PTPRM: variants seen among roughly 807,000 people sequenced by gnomAD.
PTPRM encodes protein tyrosine phosphatase receptor type M.
PTPRM carries 47 observed loss-of-function variants against 186.7 expected under a neutral mutation model. That is an observed-to-expected ratio of 0.25 (90% CI 0.20 to 0.32). PTPRM has a LOEUF of 0.32. PTPRM is among the 10% of genes least tolerant of loss of function. The pLI is 1.00. For missense variants in PTPRM, 1,494 were observed against 1,865.0 expected, an observed-to-expected ratio of 0.80 and a Z score of 3.66; for synonymous variants, 668 against 674.9, an observed-to-expected ratio of 0.99 and a Z score of 0.16.
At chr18:8,135,476 C>A (rs2145995041) in intron 13 of PTPRM, among the ~76,000 whole-genome samples, 1 of 152,104 alleles carries the variant, frequency 6.6e-6, no homozygotes, top group Admixed American at 6.5e-5. Context: ...GGTCCTACCT[C>A]AGACCTTTGA....
At chr18:7,625,692 G>A (rs544417825) in intron 1 of PTPRM, among the ~76,000 whole-genome samples, 91 of 136,864 alleles carry the variant, frequency 6.6e-4, no homozygotes, top group African/African-American at 2.1e-3. Flanking sequence ...CTGCCATGAT[G>A]CCCGGTTAAT....
chr18:7,886,971 A>G (rs1021988716), intron 2 of PTPRM, among the ~76,000 whole-genome samples: 4 of 152,258 alleles, frequency 2.6e-5, no homozygotes, highest in African/African-American at 9.6e-5. Context: ...TACATTTTCT[A>G]GTACCGTGTA....
At chr18:8,289,551 C>CATATATATACACATATATATACACACAT (rs2095010688) in intron 19 of PTPRM, among the ~76,000 whole-genome samples, 1 of 77,718 alleles carries the variant, frequency 1.3e-5, no homozygotes, top group Non-Finnish European at 2.3e-5. Context: ...TATATATATA[C>CATATATATACACATATATATACACACAT]ATATATATAC....
intron 1 of PTPRM, among the ~76,000 whole-genome samples, chr18:7,695,634 G>T (rs926173679): frequency 6.6e-6 from 1 of 152,132 alleles, no homozygotes; most frequent in Non-Finnish European, 1.5e-5. Flanking sequence ...TATTTACATG[G>T]TATTCTTGTT....
chr18:8,247,385 G>A (rs983748447), intron 15 of PTPRM, among the ~76,000 whole-genome samples: 1 of 152,176 alleles, frequency 6.6e-6, no homozygotes, highest in African/African-American at 2.4e-5. Flanking sequence ...AAGCATTGTG[G>A]AGTATTCTCT....
intron 24 of PTPRM, among the ~76,000 whole-genome samples, chr18:8,372,296 G>A (rs375992588): frequency 2.1e-5 from 3 of 142,904 alleles, no homozygotes; most frequent in Middle Eastern, 3.7e-3. Flanking sequence ...GGATGGTCTC[G>A]ATCTCCTGAC....
At chr18:8,139,258 C>G (rs1037670820) in intron 13 of PTPRM, among the ~76,000 whole-genome samples, 1 of 152,182 alleles carries the variant, frequency 6.6e-6, no homozygotes. Flanking sequence ...TGCCAGAAAT[C>G]TGGTTGTTAT....
At chr18:8,212,877 C>A (rs1024880441) in intron 14 of PTPRM, among the ~76,000 whole-genome samples, 2 of 152,174 alleles carry the variant, frequency 1.3e-5, no homozygotes, top group African/African-American at 4.8e-5. Context: ...TCCCCCTACC[C>A]ACCACCCGTC....
intron 23 of PTPRM, among the ~76,000 whole-genome samples, 178 bp from the exon 24 acceptor site, chr18:8,370,712 G>T (rs572739350): frequency 9.9e-5 from 15 of 152,180 alleles, no homozygotes; most frequent in Admixed American, 2.0e-4. Context: ...CTCAAATATT[G>T]TTTTCTTCTG....
At chr18:8,002,162 G>C (rs933179899) in intron 7 of PTPRM, among the ~76,000 whole-genome samples, 7 of 152,196 alleles carry the variant, frequency 4.6e-5, no homozygotes, top group Non-Finnish European at 8.8e-5. Flanking sequence ...AATGCATCTG[G>C]AAAGAGTGCC....
chr18:8,344,428 A>ATGTGTG (rs1252018010), intron 23 of PTPRM, among the ~76,000 whole-genome samples: 62 of 27,810 alleles, frequency 2.2e-3, no homozygotes, highest in African/African-American at 5.6e-3. Context: ...GGAGATATAT[A>ATGTGTG]TATGTGTGTG....
chr18:7,780,943 T>C (rs1418383611), intron 2 of PTPRM, among the ~76,000 whole-genome samples: 2 of 151,974 alleles, frequency 1.3e-5, no homozygotes, highest in Admixed American at 1.3e-4. Flanking sequence ...TCAGACCACA[T>C]AGGACCCTGA....
At chr18:8,387,741 T>TGTGTGTGTGTGC (rs1555897071) in intron 31 of PTPRM, among the ~76,000 whole-genome samples, 2 of 117,062 alleles carry the variant, frequency 1.7e-5, no homozygotes, top group Non-Finnish European at 3.5e-5. Flanking sequence ...CTGGAGTGTG[T>TGTGTGTGTGTGC]GTGTGTGCGT....
At chr18:8,312,254 C>T (rs530656175) in intron 20 of PTPRM, among the ~76,000 whole-genome samples, 5 of 152,254 alleles carry the variant, frequency 3.3e-5, no homozygotes, top group Non-Finnish European at 5.9e-5. Context: ...CTAAGATACA[C>T]AAAAGCCATA....
chr18:7,647,189 A>T (rs992578925), intron 1 of PTPRM, among the ~76,000 whole-genome samples: 122 of 152,318 alleles, frequency 8.0e-4, no homozygotes, highest in African/African-American at 2.6e-3. Flanking sequence ...TCTTACTCAT[A>T]AAGCAGCCAG....
At chr18:7,957,167 C>T (rs899824161) in intron 7 of PTPRM, among the ~76,000 whole-genome samples, 2 of 151,198 alleles carry the variant, frequency 1.3e-5, no homozygotes, top group Admixed American at 6.6e-5. Context: ...TGTTTCCAGT[C>T]CTGTTCTTTT....
At chr18:7,784,273 C>G (rs2042995123) in intron 2 of PTPRM, among the ~76,000 whole-genome samples, 1 of 152,120 alleles carries the variant, frequency 6.6e-6, no homozygotes, top group South Asian at 2.1e-4. Flanking sequence ...GAAAGGTGAT[C>G]CCAGGAATTG....
chr18:8,332,240 T>G (rs1240743893), intron 22 of PTPRM, among the ~76,000 whole-genome samples: 1 of 152,228 alleles, frequency 6.6e-6, no homozygotes, highest in Non-Finnish European at 1.5e-5. Flanking sequence ...AAGAAAAGAT[T>G]ATTAACCAGA....
chr18:8,201,311 G>A (rs1000487973), intron 14 of PTPRM, among the ~76,000 whole-genome samples: 6 of 152,300 alleles, frequency 3.9e-5, no homozygotes, highest in South Asian at 4.1e-4. Context: ...GCAAGACTCC[G>A]TCTCCAAAAA....
Sources: allele counts gnomAD v4.1 joint callset (sites outside exome capture counted in the v4.1 genomes callset), GRCh38; gene constraint gnomAD v4.1.1; transcripts MANE v1.5; gene names NCBI Gene and HGNC (gene_info 2026-07-23, HGNC 2026-07-21).